Variants in CAPN9 observed in about 807,000 individuals in gnomAD.
CAPN9 encodes the protein calpain-9.
In CAPN9, 81 loss-of-function variants were observed where a neutral mutation model predicts 92.8. That is an observed-to-expected ratio of 0.87 (90% CI 0.73 to 1.05). The LOEUF is 1.05. Among genes scored for constraint, CAPN9 ranks in the 50% least tolerant of loss-of-function variants. CAPN9 has a pLI of 0.00. For synonymous variants in CAPN9, 304 were observed against 328.0 expected, an observed-to-expected ratio of 0.93 and a Z score of 0.79; for missense variants, 848 against 866.2, an observed-to-expected ratio of 0.98 and a Z score of 0.26.
At chr1:230,783,012 G>T (rs1055021626) in intron 11 of CAPN9, among the ~76,000 whole-genome samples, 1 of 152,028 alleles carries the variant, frequency 6.6e-6, no homozygotes, top group Non-Finnish European at 1.5e-5. Context: ...GTGAGACTCC[G>T]TCTAAAAAAA....
chr1:230,784,286 GC>G (rs1198520388), intron 11 of CAPN9, among the ~76,000 whole-genome samples: 1 of 152,214 alleles, frequency 6.6e-6, no homozygotes, highest in African/African-American at 2.4e-5. Flanking sequence ...AGGCTATGGA[GC>G]AACCACTTGC....
chr1:230,758,227 G>T (rs867666299), intron 2 of CAPN9, among the ~76,000 whole-genome samples: 1 of 152,208 alleles, frequency 6.6e-6, no homozygotes, highest in Non-Finnish European at 1.5e-5. Context: ...GCTGGGAAAG[G>T]TCAGCCCACA....
intron 3 of CAPN9, among the ~76,000 whole-genome samples, chr1:230,761,099 C>A (rs894955770): frequency 6.6e-6 from 1 of 152,160 alleles, no homozygotes; most frequent in African/African-American, 2.4e-5. Flanking sequence ...CTCAGGAGTT[C>A]TGGATCCAGC....
chr1:230,775,680 G>A lies in CAPN9; in HGVS notation c.953+1049G>A, dbSNP rs11122596. On this transcript the variant is annotated intron_variant, in intron 8 of 19. Transcript: ENST00000271971. ...CGCCTGTAATCCCAGCACTTTGGGA[G>A]GCCAAGGCGGGTGGATCACGAGGTC... Among the ~76,000 whole-genome samples the A allele has an allele frequency of 6.9e-3, 1,057 of 152,304 alleles. 16 individuals are homozygous for A. The highest frequency in any genetic ancestry group is 0.023 in the African/African-American group (975 of 41,558).
chr1:230,773,587 AC>A (rs1666533799), intron 7 of CAPN9, among the ~76,000 whole-genome samples: 3 of 152,152 alleles, frequency 2.0e-5, no homozygotes, highest in Admixed American at 1.3e-4. Context: ...CGACTCCCTG[AC>A]TTCGCTGTGC....
chr1:230,759,425 ACTCCCCACATCCC>A lies in CAPN9; in HGVS notation c.284-84_284-72del. 3 of 902,566 alleles carry A rather than the reference ACTCCCCACATCCC, an allele frequency of 3.3e-6. No individual in the cohort carries two copies. In the Admixed American group the frequency reaches 7.0e-5, roughly 21 times the overall value. 55.9% of individuals were successfully genotyped at this position (902,566 alleles called of 1,614,324 possible). On this transcript the variant is annotated intron_variant, in intron 2 of 19. Transcript: ENST00000271971. ...TAGAAAAGATGTGGCCACATCTGAAACTCCCCACATCCCCTTCTGACACAGAGTTTTCCTATTT... is the reference window on the plus strand; with the variant it reads ...TAGAAAAGATGTGGCCACATCTGAAACTTCTGACACAGAGTTTTCCTATTT...
intron 17 of CAPN9, among the ~76,000 whole-genome samples, chr1:230,794,533 C>T (rs1033640723): frequency 8.5e-5 from 13 of 152,170 alleles, no homozygotes; most frequent in African/African-American, 2.9e-4. Context: ...TTTGTCTAAA[C>T]TCCTCATTTG....
chr1:230,749,044 G>A (rs1406111151), intron 1 of CAPN9, among the ~76,000 whole-genome samples: 3 of 152,160 alleles, frequency 2.0e-5, no homozygotes, highest in Admixed American at 6.5e-5. Context: ...GCGTGTATGT[G>A]GGGGGTGGGT....
At chr1:230,800,214 GAAAAAT>G (rs1253632017) in intron 19 of CAPN9, among the ~76,000 whole-genome samples, 2 of 87,556 alleles carry the variant, frequency 2.3e-5, no homozygotes, top group African/African-American at 8.5e-5. Flanking sequence ...AGAAAAGAAA[GAAAAAT>G]AAGAAAGAAA....
chr1:230,774,113 G>T (rs1666575116), intron 7 of CAPN9, among the ~76,000 whole-genome samples: 1 of 152,214 alleles, frequency 6.6e-6, no homozygotes, highest in African/African-American at 2.4e-5. Context: ...GCATGGGCAG[G>T]TGTAAGGCAT....
intron 4 of CAPN9, among the ~76,000 whole-genome samples, chr1:230,765,865 G>A (rs781067669): frequency 2.1e-4 from 32 of 151,864 alleles, no homozygotes; most frequent in Non-Finnish European, 3.4e-4. Flanking sequence ...TTTTTCATGC[G>A]GCCTTCACAT....
chr1:230,752,519 A>C (rs1664913907), intron 1 of CAPN9: 1 of 174,434 alleles, frequency 5.7e-6, no homozygotes, highest in African/African-American at 2.4e-5. Flanking sequence ...CAATTGCAAG[A>C]TAGGAGCTGG....
chr1:230,752,674 G>A, intron 1 of CAPN9: 1 of 985,354 alleles, frequency 1.0e-6, no homozygotes, highest in East Asian at 1.1e-4. Flanking sequence ...AGCCTGCTGG[G>A]CAGGGATCTG....
At chr1:230,776,802 C>G (rs1264650034) in intron 8 of CAPN9, 1 of 152,206 alleles carries the variant, frequency 6.6e-6, no homozygotes, top group African/African-American at 2.4e-5. Flanking sequence ...AAAAGACACT[C>G]TCACTTTCTA....
intron 14 of CAPN9, among the ~76,000 whole-genome samples, chr1:230,791,199 T>A (rs765543789): frequency 2.6e-5 from 4 of 152,094 alleles, no homozygotes; most frequent in Non-Finnish European, 5.9e-5. Flanking sequence ...CCTATACAAG[T>A]TTTTTGGGTG....
rs949561130 is a variant in CAPN9 at position 230,780,620 on chromosome 1, G to A, written c.1393G>A (p.Glu465Lys). The A allele has an allele frequency of 1.9e-6, 3 of 1,614,126 alleles. No homozygotes were observed. The highest frequency in any genetic ancestry group is 2.5e-6 in the Non-Finnish European group (3 of 1,179,982). Reference protein sequence around the residue: ...VSDRFKLPPGEYILIPSTFEP... With the variant: ...VSDRFKLPPGKYILIPSTFEP... The stretch of plus-strand genomic sequence containing the variant: ...CGACCGGTTCAAGCTGCCCCCTGGG[G>A]AGTACATCCTGATTCCCAGCACTTT... The change falls in exon 11 of 20, where the codon GAG becomes AAG. Residue 465 changes from glutamate to lysine, a missense_variant. Transcript: ENST00000271971.
In CAPN9 at chr1:230,779,039, C is replaced by T. The variant is rs767220461; in HGVS notation, c.1020C>T (p.Ala340=). 2 of 1,613,054 alleles carry T rather than the reference C, an allele frequency of 1.2e-6. No individual in the cohort carries two copies. Among genetic ancestry groups the T allele is most frequent in the African/African-American group, 1.3e-5 (1 of 74,658 alleles). Residue 340 remains alanine (A), a synonymous_variant, in exon 9 of 20, where the codon GCC becomes GCT. Transcript: ENST00000271971. ...AGATCTGCAACCTCACTCCCGATGCCCTGGAGGAAGACGCGATCCACAAAT... is the reference window on the plus strand; with the variant it reads ...AGATCTGCAACCTCACTCCCGATGCTCTGGAGGAAGACGCGATCCACAAAT... ...KVEICNLTPD[A]LEEDAIHKWE... is the part of the protein sequence containing the mutation.
intron 5 of CAPN9, among the ~76,000 whole-genome samples, chr1:230,768,315 G>A (rs185969633): frequency 6.6e-6 from 1 of 152,198 alleles, no homozygotes; most frequent in Non-Finnish European, 1.5e-5. Flanking sequence ...TGCTGTATCA[G>A]ATGGAACAAT....
intron 4 of CAPN9, among the ~76,000 whole-genome samples, chr1:230,764,050 G>A (rs920669772): frequency 6.6e-6 from 1 of 152,068 alleles, no homozygotes; most frequent in African/African-American, 2.4e-5. Flanking sequence ...GCCAAAAATG[G>A]TTGGCAGAAC....
Sources: allele counts gnomAD v4.1 joint callset (sites outside exome capture counted in the v4.1 genomes callset), GRCh38; gene constraint gnomAD v4.1.1; transcripts MANE v1.5; gene names NCBI Gene and HGNC (gene_info 2026-07-23, HGNC 2026-07-21).